The following TDRD12 variants were observed in gnomAD, a reference collection of about 807,000 sequenced individuals.
TDRD12 encodes tudor domain containing 12.
Under a neutral mutation model 133.5 loss-of-function variants are expected in TDRD12, and 158 were observed. The observed-to-expected ratio is 1.18, with a 90% confidence interval of 1.04 to 1.35. TDRD12 has a LOEUF of 1.35. Ranked by LOEUF, TDRD12 falls within the 40% of genes most tolerant of loss-of-function variation. The pLI is 0.00. For missense variants in TDRD12, 1,443 were observed against 1,321.3 expected (o/e 1.09, Z -1.43); for synonymous variants, 460 against 477.9 (o/e 0.96, Z 0.49).
chr19:32,744,991 C>A (rs765007829), intron 4 of TDRD12, among the ~76,000 whole-genome samples: 5 of 151,974 alleles, frequency 3.3e-5, no homozygotes, highest in South Asian at 2.1e-4. Context: ...ATCACTCTTG[C>A]GGCTGGCGTG....
At chr19:32,749,977 T>C in intron 6 of TDRD12, 108 bp downstream of exon 6, 1 of 802,466 alleles carries the variant, frequency 1.2e-6, no homozygotes, top group Non-Finnish European at 1.9e-6. Context: ...GCATAGAAAT[T>C]GTCTTAATCT....
At chr19:32,731,517 T>C (rs1470691301) in intron 1 of TDRD12, among the ~76,000 whole-genome samples, 1 of 152,202 alleles carries the variant, frequency 6.6e-6, no homozygotes, top group African/African-American at 2.4e-5. Flanking sequence ...CCGTTCGTTA[T>C]TTGAGTCACA....
At chr19:32,790,407 G>A in intron 11 of TDRD12, 124 bp from the exon 12 acceptor site, 1 of 942,392 alleles carries the variant, frequency 1.1e-6, no homozygotes, top group Non-Finnish European at 1.6e-6. Flanking sequence ...ACAGGCAGCA[G>A]TTGTACAGCT....
At chr19:32,816,378 C>T (rs1967181730) in intron 26 of TDRD12, among the ~76,000 whole-genome samples, 1 of 152,142 alleles carries the variant, frequency 6.6e-6, no homozygotes, top group Admixed American at 6.5e-5. Context: ...GATGGTTTTC[C>T]CCAGTTTTGC....
intron 8 of TDRD12, among the ~76,000 whole-genome samples, chr19:32,769,325 C>T (rs1206053663): frequency 6.6e-6 from 1 of 152,184 alleles, no homozygotes; most frequent in Non-Finnish European, 1.5e-5. Flanking sequence ...TCCATGTGGG[C>T]ATCCAGTTGT....
At chr19:32,775,424 G>A (rs894439431) in intron 10 of TDRD12, among the ~76,000 whole-genome samples, 6 of 152,106 alleles carry the variant, frequency 3.9e-5, no homozygotes, top group African/African-American at 1.4e-4. Context: ...TTAAACTCCT[G>A]GGCTTAAGCG....
chr19:32,824,350 A>C (rs1053598242), downstream of TDRD12: 3 of 153,032 alleles, frequency 2.0e-5, no homozygotes, highest in African/African-American at 7.2e-5. Context: ...GGTCGGTCTC[A>C]GGTGGACCCC....
chr19:32,784,854 T>C (rs534063568), intron 11 of TDRD12, among the ~76,000 whole-genome samples: 6 of 152,312 alleles, frequency 3.9e-5, no homozygotes, highest in Admixed American at 1.3e-4. Context: ...TTTTATTGTG[T>C]CTATTTGATT....
chr19:32,764,775 G>A, intron 8 of TDRD12, among the ~76,000 whole-genome samples: 1 of 152,064 alleles, frequency 6.6e-6, no homozygotes, highest in Admixed American at 6.6e-5. Flanking sequence ...TATTTTGAAG[G>A]TCTGTTACTT....
intron 11 of TDRD12, among the ~76,000 whole-genome samples, chr19:32,789,220 G>T (rs905845003): frequency 6.6e-6 from 1 of 152,188 alleles, no homozygotes; most frequent in Non-Finnish European, 1.5e-5. Flanking sequence ...CTGGCTCAGG[G>T]TCAACTGTCT....
intron 11 of TDRD12, among the ~76,000 whole-genome samples, chr19:32,785,446 T>G (rs941229415): frequency 1.3e-5 from 2 of 152,098 alleles, no homozygotes; most frequent in Admixed American, 6.6e-5. Context: ...GTTGATTTGG[T>G]GTGGAGAGTT....
intron 2 of TDRD12, among the ~76,000 whole-genome samples, chr19:32,735,943 CT>C (rs1427718025): frequency 2.0e-5 from 3 of 152,132 alleles, no homozygotes; most frequent in Non-Finnish European, 4.4e-5. Flanking sequence ...GCACTCCAGC[CT>C]GGGTGACAGA....
chr19:32,755,540 T>G (rs1208327143), intron 6 of TDRD12, among the ~76,000 whole-genome samples: 1 of 152,254 alleles, frequency 6.6e-6, no homozygotes, highest in Non-Finnish European at 1.5e-5. Context: ...GATTTCGTTT[T>G]ATTGAGTTTT....
chr19:32,799,777 C>T (rs1303269163), intron 16 of TDRD12, among the ~76,000 whole-genome samples: 1 of 147,392 alleles, frequency 6.8e-6, no homozygotes, highest in Non-Finnish European at 1.5e-5. Context: ...CCTCGTCGCC[C>T]AGGCTGGAGT....
chr19:32,756,313 A>T (rs1041807767), intron 7 of TDRD12, 132 bp downstream of exon 7: 12 of 778,038 alleles, frequency 1.5e-5, no homozygotes, highest in Non-Finnish European at 1.7e-5. Flanking sequence ...TTTAATCCTG[A>T]TGAGGCTGTG....
intron 11 of TDRD12, among the ~76,000 whole-genome samples, chr19:32,780,222 T>G (rs1357072251): frequency 6.6e-6 from 1 of 152,082 alleles, no homozygotes; most frequent in African/African-American, 2.4e-5. Context: ...TAGCTGGGAT[T>G]ACAGGCGCAT....
chr19:32,785,197 C>A (rs1213416078), intron 11 of TDRD12, among the ~76,000 whole-genome samples: 4 of 152,206 alleles, frequency 2.6e-5, no homozygotes, highest in African/African-American at 9.7e-5. Flanking sequence ...ATCTTTATTT[C>A]TGCCTTCATT....
intron 11 of TDRD12, among the ~76,000 whole-genome samples, chr19:32,778,337 A>AC (rs1568472818): frequency 6.7e-6 from 1 of 149,354 alleles, no homozygotes; most frequent in Non-Finnish European, 1.5e-5. Context: ...CCTAACTGAC[A>AC]CCCCCCTCCC....
chr19:32,740,788 C>A (rs16967371), intron 3 of TDRD12, among the ~76,000 whole-genome samples: 2,439 of 152,270 alleles, frequency 0.016, 80 homozygotes, highest in African/African-American at 0.056. Context: ...GTAGGTATCC[C>A]TGGTTGTCCT....
Sources: gnomAD v4.1 joint callset for allele counts (sites outside exome capture counted in the v4.1 genomes callset) on GRCh38, gnomAD v4.1.1 for gene constraint, MANE v1.5 for transcripts, NCBI Gene and HGNC (gene_info 2026-07-23, HGNC 2026-07-21) for gene names.